The following SPOCK2 variants were observed in gnomAD, a reference collection of about 807,000 sequenced individuals.
SPOCK2 encodes SPARC (osteonectin), cwcv and kazal like domains proteoglycan 2, also known as testican-2.
SPOCK2 carries 39 observed loss-of-function variants against 60.1 expected under a neutral mutation model. That is an observed-to-expected ratio of 0.65 (90% confidence interval 0.50 to 0.85). The LOEUF (loss-of-function observed/expected upper bound fraction) is 0.85. SPOCK2 is among the 40% of genes least tolerant of loss of function. The pLI is 0.00. For missense variants in SPOCK2, 523 were observed against 567.4 expected (o/e 0.92, Z 0.80); for synonymous variants, 217 against 231.5 (o/e 0.94, Z 0.57).
At chr10:72,085,237 T>C (rs1327988507) in intron 1 of SPOCK2, among the ~76,000 whole-genome samples, 2 of 152,176 alleles carry the variant, frequency 1.3e-5, no homozygotes, top group Middle Eastern at 6.8e-3. Flanking sequence ...TACAGCTAGA[T>C]CTGTAGGCCA....
intron 1 of SPOCK2, among the ~76,000 whole-genome samples, chr10:72,081,326 AG>A (rs1323601340): frequency 4.6e-5 from 7 of 152,248 alleles, no homozygotes; most frequent in African/African-American, 1.4e-4. Context: ...GCCCTGTGCC[AG>A]GGGACAAGGG....
rs569336516 is a variant in SPOCK2 at position 72,061,137 on chromosome 10, G to C, written c.*1623C>G. ...AGAAATTCTCCACCAAAGGTGTTAA[G>C]GAATTTGCTTTGCTGAGGAGAACTG... On this transcript the variant is annotated 3_prime_UTR_variant, in exon 11 of 11. Coordinates refer to ENST00000373109, the MANE Select transcript of SPOCK2 (RefSeq NM_001244950.2). 42 of 152,914 alleles carry C rather than the reference G, an allele frequency of 2.7e-4. No homozygotes were observed. Among genetic ancestry groups the C allele is most frequent in the African/African-American group, 9.6e-4 (40 of 41,574 alleles). 9.5% of individuals were successfully genotyped at this position (152,914 alleles called of 1,614,324 possible).
intron 8 of SPOCK2, 70 bp from the exon 9 acceptor site, chr10:72,064,310 G>C: frequency 6.9e-7 from 1 of 1,452,456 alleles, no homozygotes; most frequent in Non-Finnish European, 9.1e-7. Context: ...AGCCCTTCAA[G>C]GCTTAGAGAC....
At position 72,063,102 on chromosome 10, in the gene SPOCK2, C is replaced by T. The variant is rs370650762; in HGVS notation, c.1052G>A (p.Ser351Asn). The change falls in exon 10 of 11, where the codon AGC (serine) becomes AAC (asparagine). Residue 351 changes from serine (S) to asparagine (N), a missense_variant. Ser to Asn is a conservative substitution (Grantham distance 46). Coordinates refer to ENST00000373109, the MANE Select transcript of SPOCK2 (RefSeq NM_001244950.2). ...GTCCACACACCAGCAGTCACCGCTG[C>T]TCTGGTCACACTGCATCTTCCGGTA... is the stretch of plus-strand genomic sequence containing the variant. ...GYYRKMQCDQSSGDCWCVDQL... is the reference protein window; with the variant it reads ...GYYRKMQCDQNSGDCWCVDQL... The T allele has an allele frequency of 7.7e-6, 12 of 1,555,530 alleles. No individual in the cohort carries two copies. The Admixed American group carries it at 1.4e-4, about 18-fold the overall frequency.
rs1840878445 is a variant in SPOCK2, at chr10:72,087,597, C to G, written c.189+543G>C. Reference sequence around the variant, plus strand: ...TGCTGGGACCCCAGACCCAGAGCCCCGGTCACACTCCCGTCCCATGCTGTC... The same window carrying G: ...TGCTGGGACCCCAGACCCAGAGCCCGGGTCACACTCCCGTCCCATGCTGTC... On this transcript the variant is annotated intron_variant, in intron 1 of 10. Transcript: ENST00000373109. This position sits in a 1 kb window ranked among gnomAD's most constrained non-coding sequence, Gnocchi z 4.7. 6.6e-6 allele frequency among the ~76,000 whole-genome samples: 1 copy of G among 152,220 alleles called. No homozygotes were observed. The highest frequency in any genetic ancestry group is 2.4e-5 in the African/African-American group (1 of 41,462).
In SPOCK2 at chr10:72,061,582, G is replaced by C. The variant is rs1284938381; in HGVS notation, c.*1178C>G. On this transcript the variant is annotated 3_prime_UTR_variant, in exon 11 of 11. Coordinates refer to ENST00000373109, the MANE Select transcript of SPOCK2 (RefSeq NM_001244950.2). The stretch of plus-strand genomic sequence containing the variant: ...CTGTTGGTCTGGGCAGGACAGGAGT[G>C]TTAAGGGTCAGGGAGGAGGTGGGCA... The C allele has an allele frequency of 6.6e-6, 1 of 152,438 alleles. No homozygotes were observed. Among genetic ancestry groups the C allele is most frequent in the Non-Finnish European group, 1.5e-5 (1 of 68,244 alleles). 9.4% of individuals were successfully genotyped at this position (152,438 alleles called of 1,614,324 possible). A position where few individuals can be genotyped will look rare whatever the true frequency, so the allele number is the denominator to read the frequency against.
intron 8 of SPOCK2, among the ~76,000 whole-genome samples, chr10:72,064,808 G>A (rs893116480): frequency 2.0e-5 from 3 of 152,058 alleles, no homozygotes; most frequent in Admixed American, 2.0e-4. Context: ...TCGGCTCACT[G>A]CAAGCTCTGC....
At position 72,087,768 on chromosome 10, in the gene SPOCK2, G is replaced by A. The variant is rs1168842182; in HGVS notation, c.189+372C>T. On this transcript the variant is annotated intron_variant, in intron 1 of 10. Transcript: ENST00000373109. The surrounding 1 kb of genome is among the most constrained non-coding windows in gnomAD (Gnocchi z 4.7). ...CCCAGCGGCTGGGGCAGGCCCGGGG[G>A]CGGCTCGCACAACGCAGCTGGGGAC... 6.6e-6 allele frequency among the ~76,000 whole-genome samples: 1 copy of A among 152,182 alleles called. No homozygotes were observed. The highest frequency in any genetic ancestry group is 2.4e-5 in the African/African-American group (1 of 41,460).
intron 1 of SPOCK2, among the ~76,000 whole-genome samples, chr10:72,073,176 A>T (rs1241041250): frequency 6.6e-6 from 1 of 152,012 alleles, no homozygotes; most frequent in African/African-American, 2.4e-5. Context: ...GGGCACCCCC[A>T]CTCCGTTCCC....
At chr10:72,064,283 G>A in intron 8 of SPOCK2, 43 bp from the exon 9 acceptor site, 7 of 1,526,026 alleles carry the variant, frequency 4.6e-6, no homozygotes, top group Non-Finnish European at 6.1e-6. Context: ...GTCCCCTGGT[G>A]CTGGGGGGAT....
intron 1 of SPOCK2, among the ~76,000 whole-genome samples, chr10:72,076,639 G>C (rs1448031770): frequency 6.6e-6 from 1 of 152,190 alleles, no homozygotes; most frequent in Non-Finnish European, 1.5e-5. Flanking sequence ...GGCTGGTCTT[G>C]AACTCCTGGG....
At chr10:72,063,235 G>A in intron 9 of SPOCK2, 73 bp from the exon 10 acceptor site, 1 of 1,537,498 alleles carries the variant, frequency 6.5e-7, no homozygotes, top group East Asian at 2.5e-5. Context: ...GTGACCTCAG[G>A]TCCTCATGCA....
intron 8 of SPOCK2, among the ~76,000 whole-genome samples, chr10:72,065,732 G>C (rs1477661825): frequency 6.6e-6 from 1 of 152,230 alleles, no homozygotes; most frequent in Non-Finnish European, 1.5e-5. Flanking sequence ...CAAAGTGCTG[G>C]AGTGATGCTG....
intron 1 of SPOCK2, among the ~76,000 whole-genome samples, chr10:72,074,726 G>A (rs1267015967): frequency 1.3e-5 from 2 of 152,192 alleles, no homozygotes; most frequent in Non-Finnish European, 2.9e-5. Flanking sequence ...TGGGGAGGGC[G>A]GGAGGACCGC....
intron 8 of SPOCK2, among the ~76,000 whole-genome samples, chr10:72,064,799 C>G (rs1054433238): frequency 6.6e-6 from 1 of 150,394 alleles, no homozygotes; most frequent in Non-Finnish European, 1.5e-5. Flanking sequence ...GGCGCGATCT[C>G]GGCTCACTGC....
chr10:72,088,460 C>T lies in SPOCK2; in HGVS notation c.-132G>A. 9.0e-7 allele frequency: 1 copy of T among 1,105,110 alleles called. No homozygotes were observed. Among genetic ancestry groups the T allele is most frequent in the Non-Finnish European group, 1.2e-6 (1 of 802,092 alleles). 68.5% of individuals were successfully genotyped at this position (1,105,110 alleles called of 1,614,324 possible). A position where few individuals can be genotyped will look rare whatever the true frequency, so the allele number is the denominator to read the frequency against. On this transcript the variant is annotated 5_prime_UTR_variant, in exon 1 of 11. Coordinates refer to ENST00000373109, the MANE Select transcript of SPOCK2 (RefSeq NM_001244950.2). Reference sequence around the variant, plus strand: ...CCCGCGGTCTGCCTCCGGTGACTGGCGGAGAGTGGGTCGCGGCTGAAATGT... The same window carrying T: ...CCCGCGGTCTGCCTCCGGTGACTGGTGGAGAGTGGGTCGCGGCTGAAATGT...
At chr10:72,072,571 G>C in intron 2 of SPOCK2, 23 bp from the exon 3 acceptor site, 1 of 1,613,840 alleles carries the variant, frequency 6.2e-7, no homozygotes, top group Non-Finnish European at 8.5e-7. Context: ...GAGGGACAAG[G>C]GAGAAGGGAA....
At chr10:72,072,870 C>A in intron 2 of SPOCK2, 32 bp downstream of exon 2, 1 of 1,552,588 alleles carries the variant, frequency 6.4e-7, no homozygotes, top group Non-Finnish European at 8.7e-7. Context: ...TCTGCAGAGA[C>A]CACACAGAGT....
In SPOCK2 at chr10:72,062,537, C is replaced by CCACACA. The variant is rs111643095; in HGVS notation, c.*217_*222dup. 2.7e-6 allele frequency: 2 copies of CCACACA among 753,058 alleles called. No individual in the cohort carries two copies. The highest frequency in any genetic ancestry group is 3.1e-5 in the East Asian group (1 of 32,264). The allele number at this position is 753,058 out of a possible 1,614,324, so 46.6% of individuals were successfully genotyped here. A position where few individuals can be genotyped will look rare whatever the true frequency, so the allele number is the denominator to read the frequency against. On this transcript the variant is annotated 3_prime_UTR_variant, in exon 11 of 11. Coordinates refer to ENST00000373109, the MANE Select transcript of SPOCK2 (RefSeq NM_001244950.2). The surrounding 1 kb of genome is among the most constrained non-coding windows in gnomAD (Gnocchi z 4.3). ...TCAAGGACACATTTGTCAGCGCATG[C>CCACACA]CACACACACACACACATACACACAT...
Sources: allele counts gnomAD v4.1 joint callset (sites outside exome capture counted in the v4.1 genomes callset), GRCh38; gene constraint gnomAD v4.1.1; non-coding constraint Gnocchi (gnomAD v3.1); transcripts MANE v1.5; gene names NCBI Gene and HGNC (gene_info 2026-07-23, HGNC 2026-07-21).